PLCL2: variants seen among roughly 807,000 people sequenced by gnomAD.
The protein encoded by PLCL2 is inactive phospholipase C-like protein 2.
A neutral mutation model predicts 79.6 loss-of-function variants in PLCL2; 4 were observed. That is an observed-to-expected ratio of 0.05 (90% CI 0.02 to 0.11). The LOEUF is 0.11. Ranked by LOEUF, PLCL2 falls within the 10% of genes least tolerant of loss-of-function variation. The pLI is 1.00. For synonymous variants in PLCL2, 484 were observed against 457.7 expected, an observed-to-expected ratio of 1.06 and a Z score of -0.73; for missense variants, 895 against 1,291.0, an observed-to-expected ratio of 0.69 and a Z score of 4.70.
chr3:16,987,030 GGGT>G (rs2064056920), intron 1 of PLCL2, among the ~76,000 whole-genome samples: 1 of 151,280 alleles, frequency 6.6e-6, no homozygotes, highest in Admixed American at 6.6e-5. Flanking sequence ...TATGGGGTCT[GGGT>G]GCCAGACCCC....
At chr3:17,089,665 G>T in intron 5 of PLCL2, 68 bp from the exon 6 acceptor site, 1 of 897,840 alleles carries the variant, frequency 1.1e-6, no homozygotes, top group Non-Finnish European at 1.7e-6. Context: ...GTGAAAGATA[G>T]ATATTGTTGA....
At chr3:16,917,220 C>T (rs947435579) in intron 1 of PLCL2, among the ~76,000 whole-genome samples, 2 of 152,148 alleles carry the variant, frequency 1.3e-5, no homozygotes, top group Admixed American at 6.5e-5. Context: ...ATCTTTTTAG[C>T]TTTCTGGGCT....
intron 3 of PLCL2, among the ~76,000 whole-genome samples, chr3:17,028,658 T>G (rs1463849177): frequency 6.6e-6 from 1 of 151,906 alleles, no homozygotes; most frequent in Non-Finnish European, 1.5e-5. Context: ...GTTGTTTTGT[T>G]TTTTTGCAGA....
intron 1 of PLCL2, among the ~76,000 whole-genome samples, chr3:16,908,271 C>T (rs888656966): frequency 6.6e-6 from 1 of 151,982 alleles, no homozygotes; most frequent in East Asian, 1.9e-4. Flanking sequence ...TTCCAGACAC[C>T]GTATTATCCA....
At chr3:16,968,419 A>G (rs2063826717) in intron 1 of PLCL2, among the ~76,000 whole-genome samples, 2 of 151,960 alleles carry the variant, frequency 1.3e-5, no homozygotes. Flanking sequence ...ATGTTTTTCC[A>G]TTTGTTTGTG....
intron 1 of PLCL2, among the ~76,000 whole-genome samples, chr3:17,007,635 AG>A (rs2064276848): frequency 6.6e-6 from 1 of 152,238 alleles, no homozygotes; most frequent in Non-Finnish European, 1.5e-5. Context: ...TTAAAGTTTA[AG>A]TTTAATTACC....
Position 16,967,140 on chromosome 3 carries a change from A to G in PLCL2, c.328-42534A>G, listed in dbSNP as rs551411084. On this transcript the variant is annotated intron_variant, in intron 1 of 5. Coordinates refer to ENST00000615277, the MANE Select transcript of PLCL2 (RefSeq NM_001144382.2). ...GTGTAGTATTCCATGGTGTATATGT[A>G]CCACATTTTCTTTACCCATTCTACT... Among the ~76,000 whole-genome samples, 88 of 152,148 alleles carry G rather than the reference A, an allele frequency of 5.8e-4. 1 individual carries two copies. The highest frequency in any genetic ancestry group is 2.6e-3 in the Admixed American group (40 of 15,254).
In PLCL2 at chr3:16,923,429, G is replaced by A. The variant is rs908688336; in HGVS notation, c.327+38063G>A. 1.6e-4 allele frequency among the ~76,000 whole-genome samples: 25 copies of A among 152,240 alleles called. 1 individual carries two copies. The highest frequency in any genetic ancestry group is 2.4e-5 in the African/African-American group (1 of 41,454). On this transcript the variant is annotated intron_variant, in intron 1 of 5. Transcript: ENST00000615277. Reference sequence around the variant, plus strand: ...AGTGAGAGTGGCCAGGGTTGCACAGGCAGAGGCTTGGATTTCTGCCTGCCA... The same window carrying A: ...AGTGAGAGTGGCCAGGGTTGCACAGACAGAGGCTTGGATTTCTGCCTGCCA...
chr3:16,980,681 A>T (rs2063982634), intron 1 of PLCL2, among the ~76,000 whole-genome samples: 1 of 150,906 alleles, frequency 6.6e-6, no homozygotes, highest in Admixed American at 6.6e-5. Flanking sequence ...GGATCCTCAC[A>T]TCCCAGACGA....
In PLCL2 at chr3:16,887,181, C is replaced by G. The variant is rs1247318779; in HGVS notation, c.327+1815C>G. ...GGAAATGATTAATGTTCAAAAATCACTGATTTTAGAAATGATATTGATACT... is the reference window on the plus strand; with the variant it reads ...GGAAATGATTAATGTTCAAAAATCAGTGATTTTAGAAATGATATTGATACT... On this transcript the variant is annotated intron_variant, in intron 1 of 5. Transcript: ENST00000615277. This position sits in a 1 kb window ranked among gnomAD's most constrained non-coding sequence, Gnocchi z 4.1. Among the ~76,000 whole-genome samples, 3 of 152,142 alleles carry G rather than the reference C, an allele frequency of 2.0e-5. No homozygotes were observed. The highest frequency in any genetic ancestry group is 6.5e-5 in the Admixed American group (1 of 15,278).
intron 4 of PLCL2, among the ~76,000 whole-genome samples, chr3:17,063,260 C>CCCTCCCTCCCTCCCTCCCTCCCTCCCTG (rs1443370661): frequency 3.7e-5 from 1 of 27,348 alleles, no homozygotes; most frequent in Non-Finnish European, 6.9e-5. Context: ...CTCCCTTCCT[C>CCCTCCCTCCCTCCCTCCCTCCCTCCCTG]CCTTCCTCCC....
chr3:17,017,333 A>G (rs1575588998), intron 3 of PLCL2, among the ~76,000 whole-genome samples: 2 of 152,294 alleles, frequency 1.3e-5, no homozygotes, highest in South Asian at 4.1e-4. Flanking sequence ...ATTTATCGAT[A>G]TGTTCTGTTA....
chr3:16,899,872 A>G (rs932632836), intron 1 of PLCL2, among the ~76,000 whole-genome samples: 2 of 147,022 alleles, frequency 1.4e-5, no homozygotes, highest in African/African-American at 5.1e-5. Flanking sequence ...AAACTATCCT[A>G]TTTTAGAGGG....
rs935011527 is a variant in PLCL2 at position 16,963,539 on chromosome 3, C to T, written c.328-46135C>T. ...AGCAAATATACATACCTGAGCATAG[C>T]ATTTATGACTTTAGATTAAAATTAT... is the stretch of plus-strand genomic sequence containing the variant. On this transcript the variant is annotated intron_variant, in intron 1 of 5. Transcript: ENST00000615277. Among the ~76,000 whole-genome samples the T allele has an allele frequency of 2.6e-5, 4 of 152,184 alleles. No individual in the cohort carries two copies. The East Asian group carries it at 7.7e-4, about 29-fold the overall frequency.
chr3:16,898,674 G>A (rs1696542908), intron 1 of PLCL2, among the ~76,000 whole-genome samples: 1 of 152,216 alleles, frequency 6.6e-6, no homozygotes, highest in Non-Finnish European at 1.5e-5. Context: ...GTAAGACAAG[G>A]TGGAGGATGG....
At chr3:17,046,805 C>A (rs570057241) in intron 4 of PLCL2, among the ~76,000 whole-genome samples, 2 of 152,222 alleles carry the variant, frequency 1.3e-5, no homozygotes, top group East Asian at 3.9e-4. Flanking sequence ...GACTCACAGG[C>A]CAACCACCAG....
At chr3:16,948,508 A>T (rs2063622053) in intron 1 of PLCL2, among the ~76,000 whole-genome samples, 1 of 152,182 alleles carries the variant, frequency 6.6e-6, no homozygotes, top group Non-Finnish European at 1.5e-5. Flanking sequence ...CTTTAAATAG[A>T]TGTATTGTGT....
In PLCL2 at chr3:17,042,928, A is replaced by G; in HGVS notation, c.3073A>G (p.Ile1025Val). ...AAATGCAGATGCTGTATATGAAAAG[A>G]TCGTACATTGTCAGAAGGCAGGTAA... ...IENADAVYEK[I>V]VHCQKAAMEF... The change falls in exon 4 of 6, where the codon ATC (isoleucine) becomes GTC (valine). Residue 1025 changes from isoleucine (I) to valine (V), a missense_variant. By Grantham distance (29) the Ile-to-Val change is conservative (BLOSUM62 3). Around this residue, in one of 6 missense-constraint regions of PLCL2, gnomAD observed 298 missense variants for 459.6 expected, o/e 0.65. Coordinates refer to ENST00000615277, the MANE Select transcript of PLCL2 (RefSeq NM_001144382.2). 1 of 1,611,386 alleles carries G rather than the reference A, an allele frequency of 6.2e-7. No individual in the cohort carries two copies. The highest frequency in any genetic ancestry group is 8.5e-7 in the Non-Finnish European group (1 of 1,177,664).
At chr3:17,083,401 C>T (rs1056822478) in intron 5 of PLCL2, among the ~76,000 whole-genome samples, 2 of 152,072 alleles carry the variant, frequency 1.3e-5, no homozygotes, top group African/African-American at 2.4e-5. Context: ...CATTTAGGAG[C>T]GTAGCATATC....
Sources: allele counts gnomAD v4.1 joint callset (sites outside exome capture counted in the v4.1 genomes callset), GRCh38; gene constraint gnomAD v4.1.1; regional missense constraint gnomAD v4.1.1; non-coding constraint Gnocchi (gnomAD v3.1); transcripts MANE v1.5; gene names NCBI Gene and HGNC (gene_info 2026-07-23, HGNC 2026-07-21).